Variants in AADAC observed in about 807,000 individuals in gnomAD.
AADAC encodes arylacetamide deacetylase (esterase).
A neutral mutation model predicts 22.7 loss-of-function variants in AADAC; 17 were observed. The observed-to-expected ratio is 0.75, with a 90% CI of 0.51 to 1.12. The LOEUF (loss-of-function observed/expected upper bound fraction) is 1.12. Ranked by LOEUF, AADAC falls within the 50% of genes most tolerant of loss-of-function variation. The pLI is 0.00. For missense variants in AADAC, 465 were observed against 473.9 expected (o/e 0.98, Z 0.17); for synonymous variants, 167 against 176.3 (o/e 0.95, Z 0.42).
chr3:151,827,766 T>C lies in AADAC; in HGVS notation c.794T>C (p.Leu265Pro). Residue 265 changes from leucine (L) to proline (P), a missense_variant, in exon 5 of 5, where the codon CTT becomes CCT. Transcript: ENST00000232892. ...GATAGATCACTTGAAAAAGCCATGC[T>C]TTCCAGACAACATGTACCTGTGGAA... is the stretch of plus-strand genomic sequence containing the variant. ...TTDRSLEKAM[L>P]SRQHVPVESS... 1 of 1,613,366 alleles carries C rather than the reference T, an allele frequency of 6.2e-7. No homozygotes were observed. The highest frequency in any genetic ancestry group is 8.5e-7 in the Non-Finnish European group (1 of 1,179,520).
intron 3 of AADAC, among the ~76,000 whole-genome samples, chr3:151,822,635 A>G (rs1057455762): frequency 6.6e-6 from 1 of 152,030 alleles, no homozygotes; most frequent in African/African-American, 2.4e-5. Context: ...GCCAGTCATA[A>G]ATGGAAAGTT....
rs1419354825 is a variant in AADAC at position 151,827,948 on chromosome 3, G to A, written c.976G>A (p.Asp326Asn). 2 of 1,611,116 alleles carry A rather than the reference G, an allele frequency of 1.2e-6. No homozygotes were observed. Among genetic ancestry groups the A allele is most frequent in the Non-Finnish European group, 1.7e-6 (2 of 1,178,106 alleles). Residue 326 changes from aspartate (D) to asparagine (N), a missense_variant, in exon 5 of 5, where the codon GAC (aspartate) becomes AAC (asparagine). By Grantham distance (23) the Asp-to-Asn change is conservative. Coordinates refer to ENST00000232892, the MANE Select transcript of AADAC (RefSeq NM_001086.3). ...GAGGGCAGCCCCTTTGTTGGCTGATGACAACAAATTACGTGGCTTACCCCT... is the reference window on the plus strand; with the variant it reads ...GAGGGCAGCCCCTTTGTTGGCTGATAACAACAAATTACGTGGCTTACCCCT... ...DVRAAPLLAD[D>N]NKLRGLPLTY...
Position 151,828,311 on chromosome 3 carries a change from T to C in AADAC, c.*139T>C, listed in dbSNP as rs1716595802. On this transcript the variant is annotated 3_prime_UTR_variant, in exon 5 of 5. Coordinates refer to ENST00000232892, the MANE Select transcript of AADAC (RefSeq NM_001086.3). Reference sequence around the variant, plus strand: ...TTCTTAAATAGGCACTTTTCTGTTTTTTTTTTCTTACTGTGGGATTTCATT... The same window carrying C: ...TTCTTAAATAGGCACTTTTCTGTTTCTTTTTTCTTACTGTGGGATTTCATT... 4 of 459,356 alleles carry C rather than the reference T, an allele frequency of 8.7e-6. No homozygotes were observed. The highest frequency in any genetic ancestry group is 1.5e-5 in the Non-Finnish European group (4 of 272,078). 28.5% of individuals were successfully genotyped at this position (459,356 alleles called of 1,614,324 possible). A position where few individuals can be genotyped will look rare whatever the true frequency, so the allele number is the denominator to read the frequency against.
intron 3 of AADAC, among the ~76,000 whole-genome samples, chr3:151,823,121 T>C (rs1219105485): frequency 5.3e-5 from 8 of 151,642 alleles, no homozygotes; most frequent in Non-Finnish European, 7.4e-5. Context: ...CTACTAAAAA[T>C]ACAAAAATTA....
At chr3:151,820,354 A>G (rs778533910) in intron 2 of AADAC, 29 bp from the exon 3 acceptor site, 11 of 1,511,264 alleles carry the variant, frequency 7.3e-6, no homozygotes, top group Non-Finnish European at 9.9e-6. Flanking sequence ...CTGTTTTACT[A>G]ATATGTTGCT....
At position 151,817,600 on chromosome 3, in the gene AADAC, C is replaced by T. The variant is rs765538389; in HGVS notation, c.361+12C>T. 3.7e-6 allele frequency: 6 copies of T among 1,608,580 alleles called. No homozygotes were observed. The South Asian group carries it at 6.6e-5, about 18-fold the overall frequency. The stretch of plus-strand genomic sequence containing the variant: ...CGTGGGAAGTGCTGGTAAGTGAATG[C>T]TTTGAAAAATCTCTGTCACTGAGGT... On this transcript the variant is annotated intron_variant, in intron 2 of 4. Coordinates refer to ENST00000232892, the MANE Select transcript of AADAC (RefSeq NM_001086.3).
Position 151,827,743 on chromosome 3 carries a change from T to G in AADAC, c.771T>G (p.Asp257Glu). Reference sequence around the variant, plus strand: ...TCTGGAGTGAATATTTTACCACTGATAGATCACTTGAAAAAGCCATGCTTT... The same window carrying G: ...TCTGGAGTGAATATTTTACCACTGAGAGATCACTTGAAAAAGCCATGCTTT... The part of the protein sequence containing the change: ...VRFWSEYFTT[D>E]RSLEKAMLSR... The change falls in exon 5 of 5, where the codon GAT becomes GAG. Residue 257 changes from aspartate (D) to glutamate (E), a missense_variant. Transcript: ENST00000232892. The G allele has an allele frequency of 6.2e-7, 1 of 1,613,266 alleles. No individual in the cohort carries two copies. Among genetic ancestry groups the G allele is most frequent in the Non-Finnish European group, 8.5e-7 (1 of 1,179,508 alleles).
intron 2 of AADAC, among the ~76,000 whole-genome samples, chr3:151,819,505 T>C (rs1201415479): frequency 6.6e-6 from 1 of 152,004 alleles, no homozygotes; most frequent in Non-Finnish European, 1.5e-5. Flanking sequence ...AAGGACTTAG[T>C]TGTGAAATAA....
chr3:151,828,047 A>C lies in AADAC; in HGVS notation c.1075A>C (p.Thr359Pro), dbSNP rs1036060342. Residue 359 changes from threonine (T) to proline (P), a missense_variant, in exon 5 of 5, where the codon ACT (threonine) becomes CCT (proline). Coordinates refer to ENST00000232892, the MANE Select transcript of AADAC (RefSeq NM_001086.3). ...GLMYVTRLRN[T>P]GVQVTHNHVE... ...CATGTATGTCACCCGACTTCGCAAC[A>C]CTGGGGTTCAGGTGACTCATAACCA... is the stretch of plus-strand genomic sequence containing the variant. 10 of 1,613,128 alleles carry C rather than the reference A, an allele frequency of 6.2e-6. No individual in the cohort carries two copies. Among genetic ancestry groups the C allele is most frequent in the South Asian group, 2.2e-5 (2 of 91,060 alleles).
intron 3 of AADAC, among the ~76,000 whole-genome samples, chr3:151,823,858 T>C (rs557585180): frequency 1.3e-5 from 2 of 149,138 alleles, no homozygotes; most frequent in Non-Finnish European, 3.0e-5. Flanking sequence ...GCAGCCTAAA[T>C]CCCCATAACA....
intron 3 of AADAC, among the ~76,000 whole-genome samples, chr3:151,820,960 G>A (rs1194985863): frequency 1.3e-5 from 2 of 151,062 alleles, no homozygotes; most frequent in East Asian, 1.9e-4. Flanking sequence ...GTGTGTACAC[G>A]TGTTATTTTG....
chr3:151,824,933 G>A, intron 4 of AADAC, 99 bp downstream of exon 4: 1 of 935,928 alleles, frequency 1.1e-6, no homozygotes, highest in East Asian at 3.2e-5. Context: ...AAATATGAAT[G>A]CAAATAGGAG....
In AADAC at chr3:151,828,284, A is replaced by G. The variant is rs1716594561; in HGVS notation, c.*112A>G. On this transcript the variant is annotated 3_prime_UTR_variant, in exon 5 of 5. Transcript: ENST00000232892. ...TCTAGTTAAGTTCCACATGTAGCAT[A>G]ATTCTTAAATAGGCACTTTTCTGTT... 7.4e-6 allele frequency: 4 copies of G among 541,986 alleles called. No individual in the cohort carries two copies. The highest frequency in any genetic ancestry group is 1.2e-5 in the Non-Finnish European group (4 of 340,208). 33.6% of individuals were successfully genotyped at this position (541,986 alleles called of 1,614,324 possible). A position where few individuals can be genotyped will look rare whatever the true frequency, so the allele number is the denominator to read the frequency against.
chr3:151,818,667 A>G (rs2139566), intron 2 of AADAC, among the ~76,000 whole-genome samples: 115,980 of 151,900 alleles, frequency 0.76, 44,665 homozygotes, highest in Middle Eastern at 0.84. Context: ...ACAAGAGTAG[A>G]TTACACATCC....
Position 151,826,237 on chromosome 3 carries a change from T to C in AADAC, c.604-1339T>C, listed in dbSNP as rs767415299. On this transcript the variant is annotated intron_variant, in intron 4 of 4. Coordinates refer to ENST00000232892, the MANE Select transcript of AADAC (RefSeq NM_001086.3). ...AACTTCACAGATAGATTTCTAATCA[T>C]TATTATGGATTTCATAATGTAGCAG... Among the ~76,000 whole-genome samples the C allele has an allele frequency of 6.6e-4, 101 of 152,014 alleles. 2 individuals carry two copies. The highest frequency in any genetic ancestry group is 1.8e-4 in the Non-Finnish European group (12 of 67,940).
Position 151,828,169 on chromosome 3 carries a change from A to T in AADAC, c.1197A>T (p.Leu399=). The part of the protein sequence containing the change: ...NQYIEWLKEN[L] ...ATATTGAGTGGCTAAAGGAAAATCT[A>T]TAGTAAAACATGTAGCTATAACATA... The change falls in exon 5 of 5, where the codon CTA becomes CTT. Residue 399 remains leucine (L), a synonymous_variant. Transcript: ENST00000232892. 1 of 1,496,498 alleles carries T rather than the reference A, an allele frequency of 6.7e-7. No individual in the cohort carries two copies. The highest frequency in any genetic ancestry group is 9.0e-7 in the Non-Finnish European group (1 of 1,107,266). The allele number at this position is 1,496,498 out of a possible 1,614,324, so 92.7% of individuals were successfully genotyped here.
At chr3:151,820,480 GC>G in intron 3 of AADAC, 28 bp downstream of exon 3, 1 of 1,430,872 alleles carries the variant, frequency 7.0e-7, no homozygotes. Context: ...TGGTTTCCTG[GC>G]CAGATGTCTG....
chr3:151,826,516 C>A (rs1336519691), intron 4 of AADAC, among the ~76,000 whole-genome samples: 1 of 151,892 alleles, frequency 6.6e-6, no homozygotes, highest in East Asian at 1.9e-4. Context: ...ATAAATACTA[C>A]AATTTGCAAA....
At chr3:151,820,958 A>G (rs1716229450) in intron 3 of AADAC, among the ~76,000 whole-genome samples, 1 of 151,238 alleles carries the variant, frequency 6.6e-6, no homozygotes, top group African/African-American at 2.4e-5. Flanking sequence ...ATGTGTGTAC[A>G]CGTGTTATTT....
Sources: allele counts gnomAD v4.1 joint callset (sites outside exome capture counted in the v4.1 genomes callset), GRCh38; gene constraint gnomAD v4.1.1; transcripts MANE v1.5; gene names NCBI Gene and HGNC (gene_info 2026-07-23, HGNC 2026-07-21).